KCNIP4: variants seen among roughly 807,000 people sequenced by gnomAD.
KCNIP4 encodes the protein potassium voltage-gated channel interacting protein 4.
In KCNIP4, 12 loss-of-function variants were observed where a neutral mutation model predicts 34.0. The observed-to-expected ratio is 0.35, with a 90% CI of 0.23 to 0.57. The LOEUF is 0.57. Among genes scored for constraint, KCNIP4 ranks in the 20% least tolerant of loss-of-function variants. The pLI is 0.83. For synonymous variants in KCNIP4, 124 were observed against 102.2 expected, an observed-to-expected ratio of 1.21 and a Z score of -1.29; for missense variants, 238 against 311.7, an observed-to-expected ratio of 0.76 and a Z score of 1.78.
At chr4:21,694,039 T>A (rs1201575504) in intron 1 of KCNIP4, among the ~76,000 whole-genome samples, 1 of 152,184 alleles carries the variant, frequency 6.6e-6, no homozygotes, top group African/African-American at 2.4e-5. Flanking sequence ...TTGAAAAATG[T>A]CAAAACAACC....
intron 1 of KCNIP4, among the ~76,000 whole-genome samples, chr4:21,946,449 T>C (rs954153581): frequency 5.9e-5 from 9 of 152,292 alleles, no homozygotes; most frequent in African/African-American, 1.9e-4. Context: ...ATCGGGACTA[T>C]TATTTTAAAA....
intron 1 of KCNIP4, among the ~76,000 whole-genome samples, chr4:21,655,811 C>T (rs963140688): frequency 6.6e-6 from 1 of 152,102 alleles, no homozygotes; most frequent in African/African-American, 2.4e-5. Context: ...AACAGATCAC[C>T]ATGCATAAAT....
intron 1 of KCNIP4, among the ~76,000 whole-genome samples, chr4:20,973,788 G>A (rs192491759): frequency 1.5e-3 from 226 of 152,240 alleles, no homozygotes; most frequent in African/African-American, 5.1e-3. Context: ...CCTGTGGAGA[G>A]GGTGAGAGAC....
At chr4:21,499,708 C>G (rs960705873) in intron 1 of KCNIP4, among the ~76,000 whole-genome samples, 1 of 152,044 alleles carries the variant, frequency 6.6e-6, no homozygotes, top group Non-Finnish European at 1.5e-5. Context: ...CATATGAACA[C>G]TATGATGAAA....
chr4:20,995,778 T>C (rs139492026), intron 1 of KCNIP4, among the ~76,000 whole-genome samples: 279 of 152,328 alleles, frequency 1.8e-3, no homozygotes, highest in Admixed American at 4.6e-3. Context: ...TCACTGCATT[T>C]GTGCAAAAAA....
At chr4:21,542,281 A>T (rs1276260966) in intron 1 of KCNIP4, among the ~76,000 whole-genome samples, 5 of 152,196 alleles carry the variant, frequency 3.3e-5, no homozygotes, top group African/African-American at 9.7e-5. Context: ...CTCTGGAAGA[A>T]CAGGAATAGT....
intron 1 of KCNIP4, among the ~76,000 whole-genome samples, chr4:21,356,438 T>G: frequency 6.6e-6 from 1 of 152,074 alleles, no homozygotes; most frequent in Admixed American, 6.6e-5. Context: ...GCCCAAAATC[T>G]CCTTAAGCTG....
chr4:21,340,244 C>A (rs1456831608), intron 1 of KCNIP4, among the ~76,000 whole-genome samples: 1 of 106,644 alleles, frequency 9.4e-6, no homozygotes, highest in South Asian at 2.8e-4. Flanking sequence ...TCTCCTAAAG[C>A]TTTCCAAGAT....
chr4:21,189,975 ACT>A (rs1162620062), intron 1 of KCNIP4, among the ~76,000 whole-genome samples: 3 of 152,238 alleles, frequency 2.0e-5, no homozygotes, highest in Non-Finnish European at 2.9e-5. Context: ...ACAGTAGATA[ACT>A]ATTGAAGAAA....
At chr4:21,022,890 A>G (rs549538972) in intron 1 of KCNIP4, among the ~76,000 whole-genome samples, 2 of 150,990 alleles carry the variant, frequency 1.3e-5, no homozygotes, top group South Asian at 2.1e-4. Flanking sequence ...CAGTGGTGTG[A>G]TCTCGGCTCA....
At chr4:21,940,776 CA>C (rs1310710503) in intron 1 of KCNIP4, among the ~76,000 whole-genome samples, 1 of 152,114 alleles carries the variant, frequency 6.6e-6, no homozygotes, top group Non-Finnish European at 1.5e-5. Context: ...AACTTCTCTC[CA>C]AATTTAACTT....
intron 1 of KCNIP4, among the ~76,000 whole-genome samples, chr4:21,593,094 A>G (rs936004402): frequency 1.4e-5 from 2 of 144,604 alleles, no homozygotes; most frequent in African/African-American, 5.2e-5. Context: ...TCATTCTGCA[A>G]TTTAAATAAT....
intron 1 of KCNIP4, among the ~76,000 whole-genome samples, chr4:21,255,423 C>T (rs73111235): frequency 0.032 from 4,931 of 152,134 alleles, 299 homozygotes; most frequent in African/African-American, 0.11. Context: ...CAATGCTGCT[C>T]TCCTTAAAGT....
intron 1 of KCNIP4, among the ~76,000 whole-genome samples, chr4:21,178,129 C>T (rs1048046739): frequency 5.3e-5 from 8 of 152,134 alleles, no homozygotes; most frequent in African/African-American, 1.9e-4. Context: ...TTTCTATCTT[C>T]ATTACAACAC....
At chr4:21,696,481 A>T (rs779343927) in intron 1 of KCNIP4, among the ~76,000 whole-genome samples, 3 of 152,122 alleles carry the variant, frequency 2.0e-5, no homozygotes, top group Non-Finnish European at 4.4e-5. Context: ...GTATTTGAAA[A>T]ATAAAGCTCA....
intron 1 of KCNIP4, among the ~76,000 whole-genome samples, chr4:21,093,029 T>C (rs911780829): frequency 6.6e-6 from 1 of 152,188 alleles, no homozygotes; most frequent in Non-Finnish European, 1.5e-5. Flanking sequence ...GTGCTATACA[T>C]AAAGATAAAT....
chr4:21,591,885 T>A (rs888342480), intron 1 of KCNIP4, among the ~76,000 whole-genome samples: 3 of 152,022 alleles, frequency 2.0e-5, no homozygotes, highest in African/African-American at 7.2e-5. Context: ...GTCCAATATA[T>A]GAAGAAAAGG....
intron 1 of KCNIP4, among the ~76,000 whole-genome samples, chr4:21,894,543 G>A (rs916089704): frequency 3.3e-5 from 5 of 152,080 alleles, no homozygotes; most frequent in African/African-American, 1.2e-4. Context: ...AAGAAACCTA[G>A]TAGTAACATA....
intron 1 of KCNIP4, among the ~76,000 whole-genome samples, chr4:21,450,530 T>C (rs750504927): frequency 1.3e-5 from 2 of 152,116 alleles, no homozygotes; most frequent in East Asian, 1.9e-4. Context: ...TCAGCATTTT[T>C]GCTGACCATG....
Sources: allele counts gnomAD v4.1 joint callset (sites outside exome capture counted in the v4.1 genomes callset), GRCh38; gene constraint gnomAD v4.1.1; transcripts MANE v1.5; gene names NCBI Gene and HGNC (gene_info 2026-07-23, HGNC 2026-07-21).